The following CARNMT1 variants were observed in gnomAD, a reference collection of about 807,000 sequenced individuals.
CARNMT1 encodes carnosine N-methyltransferase 1.
Under a neutral mutation model 49.6 loss-of-function variants are expected in CARNMT1, and 28 were observed. The ratio of observed to expected loss-of-function variants is 0.56; its 90% CI spans 0.42 to 0.77. The LOEUF (loss-of-function observed/expected upper bound fraction) is 0.77, where lower values mean the gene tolerates loss of function less well. CARNMT1 is among the 30% of genes least tolerant of loss of function. The pLI is 0.00. For synonymous variants in CARNMT1, 178 were observed against 175.0 expected (o/e 1.02, Z -0.13); for missense variants, 421 against 512.6 (o/e 0.82, Z 1.73).
At chr9:75,002,937 C>T (rs188351904) in intron 3 of CARNMT1, among the ~76,000 whole-genome samples, 9 of 151,932 alleles carry the variant, frequency 5.9e-5, no homozygotes, top group East Asian at 5.8e-4. Context: ...GGGGTTTCGC[C>T]GTGTTGCCCA....
At chr9:74,984,009 T>G in intron 7 of CARNMT1, 141 bp from the exon 8 acceptor site, 1 of 463,570 alleles carries the variant, frequency 2.2e-6, no homozygotes, top group Non-Finnish European at 3.8e-6. Flanking sequence ...ATAAGAGAGG[T>G]ACTATTAATA....
chr9:74,996,981 T>C (rs1276298928), intron 5 of CARNMT1, among the ~76,000 whole-genome samples: 1 of 152,174 alleles, frequency 6.6e-6, no homozygotes, highest in African/African-American at 2.4e-5. Flanking sequence ...AGTTGCCAAC[T>C]GAGAAATGAA....
chr9:75,003,034 A>G (rs1255665960), intron 3 of CARNMT1, among the ~76,000 whole-genome samples: 4 of 152,148 alleles, frequency 2.6e-5, no homozygotes, highest in Non-Finnish European at 4.4e-5. Context: ...CACCACACCC[A>G]GCCAAAAATT....
chr9:74,985,372 C>T lies in CARNMT1; in HGVS notation c.1025-362G>A, dbSNP rs572196010. ...GCAAATGCAAAACTGCAGTTACCAA[C>T]TGTATATCATATGAAAACAAAGGAG... On this transcript the variant is annotated intron_variant, in intron 6 of 7. Coordinates refer to ENST00000376834, the MANE Select transcript of CARNMT1 (RefSeq NM_152420.3). 2.6e-4 allele frequency among the ~76,000 whole-genome samples: 39 copies of T among 152,314 alleles called. 1 individual carries two copies. The East Asian group carries it at 6.2e-3, about 24-fold the overall frequency.
At chr9:75,007,958 A>G (rs972803618) in intron 3 of CARNMT1, among the ~76,000 whole-genome samples, 1 of 151,950 alleles carries the variant, frequency 6.6e-6, no homozygotes, top group Non-Finnish European at 1.5e-5. Flanking sequence ...GAGCTAATAA[A>G]GCAAGATTGC....
At chr9:74,998,892 AAG>A (rs1833276019) in intron 4 of CARNMT1, 116 bp from the exon 5 acceptor site, 1 of 577,320 alleles carries the variant, frequency 1.7e-6, no homozygotes, top group African/African-American at 1.9e-5. Context: ...TTAATATTTA[AAG>A]AGTCACTATT....
At chr9:74,993,400 A>G (rs1217196561) in intron 6 of CARNMT1, among the ~76,000 whole-genome samples, 3 of 152,178 alleles carry the variant, frequency 2.0e-5, no homozygotes, top group Non-Finnish European at 4.4e-5. Context: ...GAAGGTAAAA[A>G]ACATAATCCT....
At chr9:75,006,922 G>A (rs1833527930) in intron 3 of CARNMT1, among the ~76,000 whole-genome samples, 1 of 152,022 alleles carries the variant, frequency 6.6e-6, no homozygotes, top group African/African-American at 2.4e-5. Flanking sequence ...TAGTATTGCT[G>A]ACACTGTTAT....
At chr9:75,001,125 AT>A (rs879672844) in intron 3 of CARNMT1, among the ~76,000 whole-genome samples, 67 of 150,878 alleles carry the variant, frequency 4.4e-4, no homozygotes, top group Non-Finnish European at 6.8e-4. Context: ...TCAGTTTAGA[AT>A]TTTTTTTTTA....
intron 3 of CARNMT1, among the ~76,000 whole-genome samples, chr9:75,008,418 G>A (rs2118829875): frequency 6.6e-6 from 1 of 152,186 alleles, no homozygotes; most frequent in South Asian, 2.1e-4. Context: ...TGCAACCTCT[G>A]CCTCCTGAGT....
At chr9:74,994,646 T>C (rs1261375493) in intron 6 of CARNMT1, among the ~76,000 whole-genome samples, 1 of 152,024 alleles carries the variant, frequency 6.6e-6, no homozygotes, top group African/African-American at 2.4e-5. Flanking sequence ...AATGAGTACA[T>C]GGCATAAAAA....
intron 6 of CARNMT1, chr9:74,996,045 T>A (rs774194207): frequency 2.5e-5 from 4 of 157,538 alleles, no homozygotes; most frequent in Non-Finnish European, 5.6e-5. Flanking sequence ...TATATGGATG[T>A]ACTAGGGAGG....
At chr9:75,028,298 TGG>T, upstream of CARNMT1, 1 of 1,334,316 alleles carries the variant, frequency 7.5e-7, no homozygotes, top group Non-Finnish European at 9.5e-7. Flanking sequence ...GACAGCGTGG[TGG>T]CGGCTGCTTG....
intron 6 of CARNMT1, among the ~76,000 whole-genome samples, chr9:74,989,062 G>A (rs563842859): frequency 1.4e-4 from 21 of 152,298 alleles, no homozygotes; most frequent in Admixed American, 2.6e-4. Context: ...TTACTTAACA[G>A]TGAGAATGAA....
chr9:74,996,342 A>G (rs10869466), intron 6 of CARNMT1, 105 bp downstream of exon 6: 222,192 of 635,650 alleles, frequency 0.35, 41,045 homozygotes, highest in Non-Finnish European at 0.39. Context: ...CATTTACAAC[A>G]TAATTCTAAT....
chr9:75,018,896 G>A (rs1833926872), intron 1 of CARNMT1, among the ~76,000 whole-genome samples: 1 of 151,420 alleles, frequency 6.6e-6, no homozygotes, highest in Non-Finnish European at 1.5e-5. Flanking sequence ...GAACGCGGGA[G>A]GCAGAGGCTG....
chr9:75,001,232 T>C (rs1332341144), intron 3 of CARNMT1, among the ~76,000 whole-genome samples: 1 of 152,132 alleles, frequency 6.6e-6, no homozygotes, highest in Non-Finnish European at 1.5e-5. Flanking sequence ...CAGCAATCAA[T>C]TTCCAAATGG....
intron 3 of CARNMT1, among the ~76,000 whole-genome samples, chr9:75,005,963 G>A (rs920676719): frequency 6.6e-6 from 1 of 151,876 alleles, no homozygotes; most frequent in African/African-American, 2.4e-5. Context: ...GGCATAAACA[G>A]AGTCCTAGAA....
At chr9:75,007,131 T>C (rs1193311019) in intron 3 of CARNMT1, among the ~76,000 whole-genome samples, 13 of 152,234 alleles carry the variant, frequency 8.5e-5, no homozygotes, top group Admixed American at 3.3e-4. Context: ...CTGGACTTTA[T>C]AGAAAGTATT....
Sources: allele counts gnomAD v4.1 joint callset (sites outside exome capture counted in the v4.1 genomes callset), GRCh38; gene constraint gnomAD v4.1.1; transcripts MANE v1.5; gene names NCBI Gene and HGNC (gene_info 2026-07-23, HGNC 2026-07-21).